The following PSPH variants were observed in gnomAD, a reference collection of about 807,000 sequenced individuals.
PSPH encodes L-3-phosphoserine phosphatase.
Under a neutral mutation model 23.4 loss-of-function variants are expected in PSPH, and 16 were observed. That is an observed-to-expected ratio of 0.68 (90% CI 0.46 to 1.04). PSPH has a LOEUF of 1.04. Among genes scored for constraint, PSPH ranks in the 50% least tolerant of loss-of-function variants. The probability of loss-of-function intolerance (pLI) is 0.00; values close to 1 mark genes in which losing one functional copy is unlikely to be tolerated. For missense variants in PSPH, 223 were observed against 273.7 expected (o/e 0.81, Z 1.31); for synonymous variants, 68 against 99.7 (o/e 0.68, Z 1.89).
chr7:56,013,156 T>TACACACACACACACACACAC (rs34329610), intron 7 of PSPH, among the ~76,000 whole-genome samples: 2 of 142,098 alleles, frequency 1.4e-5, no homozygotes, highest in African/African-American at 2.6e-5. Context: ...TGTATGTGTA[T>TACACACACACACACACACAC]ACACACACAC....
At chr7:56,029,978 CA>C (rs1181658808) in intron 3 of PSPH, among the ~76,000 whole-genome samples, 404 of 53,422 alleles carry the variant, frequency 7.6e-3, no homozygotes, top group Non-Finnish European at 0.01. Flanking sequence ...GACTCCATCT[CA>C]AAAAAAAAAA....
chr7:56,038,146 T>G (rs1791977186), intron 1 of PSPH, among the ~76,000 whole-genome samples: 1 of 151,640 alleles, frequency 6.6e-6, no homozygotes, highest in Non-Finnish European at 1.5e-5. Context: ...TCAGTAACAT[T>G]GAACACATGC....
intron 1 of PSPH, among the ~76,000 whole-genome samples, chr7:56,038,525 A>AG (rs1168518139): frequency 6.6e-6 from 1 of 151,914 alleles, no homozygotes; most frequent in Admixed American, 6.6e-5. Flanking sequence ...CACCTGAGGA[A>AG]GACACTCAGG....
At chr7:56,029,668 A>G (rs887319538) in intron 3 of PSPH, among the ~76,000 whole-genome samples, 3 of 152,214 alleles carry the variant, frequency 2.0e-5, no homozygotes, top group African/African-American at 7.2e-5. Flanking sequence ...GTATCTTTCA[A>G]GAGGCTTCTA....
intron 1 of PSPH, among the ~76,000 whole-genome samples, chr7:56,048,763 C>G (rs1193463263): frequency 6.7e-6 from 1 of 148,904 alleles, no homozygotes; most frequent in Non-Finnish European, 1.5e-5. Flanking sequence ...ACACAAGTAG[C>G]TGGGATTACA....
At chr7:56,012,321 A>C (rs1788004736) in intron 7 of PSPH, among the ~76,000 whole-genome samples, 1 of 152,128 alleles carries the variant, frequency 6.6e-6, no homozygotes, top group African/African-American at 2.4e-5. Flanking sequence ...CCTCCTGAGT[A>C]GCCGGGATGA....
At chr7:56,020,311 T>C (rs554469552) in intron 4 of PSPH, among the ~76,000 whole-genome samples, 2 of 152,212 alleles carry the variant, frequency 1.3e-5, no homozygotes, top group African/African-American at 2.4e-5. Context: ...AGGTTAAGCA[T>C]TCTTCCATGA....
intron 3 of PSPH, among the ~76,000 whole-genome samples, chr7:56,026,885 G>A (rs548010497): frequency 1.3e-5 from 2 of 151,992 alleles, no homozygotes; most frequent in Non-Finnish European, 2.9e-5. Flanking sequence ...TGAGGTAAGT[G>A]GGATAAGCTA....
chr7:56,034,734 T>G (rs560342444), intron 1 of PSPH, among the ~76,000 whole-genome samples: 191 of 152,078 alleles, frequency 1.3e-3, no homozygotes, highest in Middle Eastern at 6.8e-3. Context: ...GCCAGGATGG[T>G]CTCGATTTCC....
chr7:56,028,297 C>T (rs1790491711), intron 3 of PSPH, among the ~76,000 whole-genome samples: 1 of 151,916 alleles, frequency 6.6e-6, no homozygotes, highest in Non-Finnish European at 1.5e-5. Context: ...ATAATCATAG[C>T]TCACTGTGGC....
chr7:56,011,338 G>C lies in PSPH; in HGVS notation c.*424C>G, dbSNP rs942111278. The C allele has an allele frequency of 1.3e-5, 2 of 157,460 alleles. No homozygotes were observed. The highest frequency in any genetic ancestry group is 4.8e-5 in the African/African-American group (2 of 41,444). The allele number at this position is 157,460 out of a possible 1,614,324, so 9.8% of individuals were successfully genotyped here. A position where few individuals can be genotyped will look rare whatever the true frequency, so the allele number is the denominator to read the frequency against. On this transcript the variant is annotated 3_prime_UTR_variant, in exon 8 of 8. Transcript: ENST00000275605. Reference sequence around the variant, plus strand: ...AGGTCAGGAGATCAAGACCATCCTGGCTAACACGGTCAAACCCCGTCTCTA... The same window carrying C: ...AGGTCAGGAGATCAAGACCATCCTGCCTAACACGGTCAAACCCCGTCTCTA...
At chr7:56,042,159 GT>G (rs2117115491) in intron 1 of PSPH, among the ~76,000 whole-genome samples, 1 of 145,158 alleles carries the variant, frequency 6.9e-6, no homozygotes, top group South Asian at 2.2e-4. Flanking sequence ...GGAGGCGGAG[GT>G]TTACAGTGAG....
chr7:56,035,019 G>A (rs1161556938), intron 1 of PSPH, among the ~76,000 whole-genome samples: 2 of 152,064 alleles, frequency 1.3e-5, no homozygotes, highest in Non-Finnish European at 2.9e-5. Context: ...TTACAGATGT[G>A]AGATACCGCG....
At chr7:56,028,783 C>T (rs557929776) in intron 3 of PSPH, among the ~76,000 whole-genome samples, 63 of 151,918 alleles carry the variant, frequency 4.1e-4, no homozygotes, top group Middle Eastern at 3.4e-3. Flanking sequence ...AAATGGTGCA[C>T]CTCCCTGTAC....
In PSPH at chr7:56,028,416, G is replaced by C. The variant is rs139621955; in HGVS notation, c.-20+3513C>G. On this transcript the variant is annotated intron_variant, in intron 3 of 7. Transcript: ENST00000275605. ...AGTTACTATTATTATTATTTTTGTA[G>C]AGATGAGGTCTCACTATGTTACCCA... 7.0e-3 allele frequency among the ~76,000 whole-genome samples: 1,061 copies of C among 152,068 alleles called. 9 individuals are homozygous for C. The highest frequency in any genetic ancestry group is 0.023 in the African/African-American group (955 of 41,498).
At chr7:56,034,752 G>A (rs1415440521) in intron 1 of PSPH, among the ~76,000 whole-genome samples, 1 of 152,054 alleles carries the variant, frequency 6.6e-6, no homozygotes, top group Non-Finnish European at 1.5e-5. Flanking sequence ...TCCTGACCTC[G>A]TGATCCGCCC....
chr7:56,045,511 T>C (rs35881493), intron 1 of PSPH, among the ~76,000 whole-genome samples: 5,817 of 151,914 alleles, frequency 0.038, 155 homozygotes, highest in African/African-American at 0.073. Flanking sequence ...CACTTGCAAA[T>C]GGTTAGGTCT....
At chr7:56,039,432 G>A (rs1428512272) in intron 1 of PSPH, among the ~76,000 whole-genome samples, 1 of 151,984 alleles carries the variant, frequency 6.6e-6, no homozygotes, top group Non-Finnish European at 1.5e-5. Flanking sequence ...ATATCTGTGT[G>A]TATAAAATAT....
At chr7:56,049,509 G>T (rs559420266) in intron 1 of PSPH, among the ~76,000 whole-genome samples, 121 of 152,026 alleles carry the variant, frequency 8.0e-4, no homozygotes, top group Non-Finnish European at 1.4e-3. Flanking sequence ...TGCAGTCTCC[G>T]CTCACTGCAA....
Sources: gnomAD v4.1 joint callset for allele counts (sites outside exome capture counted in the v4.1 genomes callset) on GRCh38, gnomAD v4.1.1 for gene constraint, MANE v1.5 for transcripts, NCBI Gene and HGNC (gene_info 2026-07-23, HGNC 2026-07-21) for gene names.